The following SLC25A48 variants were observed in gnomAD, a reference collection of about 807,000 sequenced individuals.
The protein encoded by SLC25A48 is solute carrier family 25 member 48.
In SLC25A48, 29 loss-of-function variants were observed where a neutral mutation model predicts 32.2. The observed-to-expected ratio is 0.90, with a 90% CI of 0.67 to 1.23. SLC25A48 has a LOEUF of 1.23. SLC25A48 is among the 50% of genes most tolerant of loss of function. The pLI is 0.00. For missense variants in SLC25A48, 399 were observed against 422.7 expected (o/e 0.94, Z 0.49); for synonymous variants, 164 against 172.3 (o/e 0.95, Z 0.38).
At chr5:135,702,944 C>T (rs894486081) in intron 3 of SLC25A48, among the ~76,000 whole-genome samples, 1 of 152,226 alleles carries the variant, frequency 6.6e-6, no homozygotes, top group Non-Finnish European at 1.5e-5. Flanking sequence ...TTCGGGAAAA[C>T]ACCTTCTTTT....
intron 4 of SLC25A48, among the ~76,000 whole-genome samples, chr5:135,862,401 C>T (rs969567504): frequency 6.6e-6 from 1 of 152,224 alleles, no homozygotes; most frequent in African/African-American, 2.4e-5. Flanking sequence ...CTAATCATTG[C>T]ACCAGGCCCA....
intron 1 of SLC25A48, among the ~76,000 whole-genome samples, chr5:135,598,223 T>C (rs1421118389): frequency 6.6e-6 from 1 of 152,220 alleles, no homozygotes; most frequent in Non-Finnish European, 1.5e-5. Context: ...TCAGGAGGAC[T>C]CACAAATTTG....
chr5:135,762,266 T>A (rs1756079091), intron 3 of SLC25A48, among the ~76,000 whole-genome samples: 1 of 152,176 alleles, frequency 6.6e-6, no homozygotes, highest in East Asian at 1.9e-4. Flanking sequence ...TGCAGATGGA[T>A]GCATGAGGTG....
At chr5:135,615,402 A>G (rs1752162756) in intron 1 of SLC25A48, among the ~76,000 whole-genome samples, 1 of 152,230 alleles carries the variant, frequency 6.6e-6, no homozygotes, top group Non-Finnish European at 1.5e-5. Context: ...ATGTGTTAAC[A>G]AAGAGGTTGG....
chr5:135,693,552 A>G (rs1436316421), intron 3 of SLC25A48, among the ~76,000 whole-genome samples: 1 of 152,216 alleles, frequency 6.6e-6, no homozygotes, highest in Non-Finnish European at 1.5e-5. Context: ...GTACCTCCAC[A>G]ATCTTCTCCT....
intron 3 of SLC25A48, among the ~76,000 whole-genome samples, chr5:135,662,591 C>A (rs905386026): frequency 6.6e-6 from 1 of 152,122 alleles, no homozygotes; most frequent in Non-Finnish European, 1.5e-5. Flanking sequence ...CTGGGGCCAG[C>A]AGACCTGAGT....
chr5:135,871,608 C>T lies in SLC25A48; in HGVS notation c.569C>T (p.Pro190Leu). 1 of 1,614,218 alleles carries T rather than the reference C, an allele frequency of 6.2e-7. No individual in the cohort carries two copies. Among genetic ancestry groups the T allele is most frequent in the Non-Finnish European group, 8.5e-7 (1 of 1,180,022 alleles). Reference protein sequence around the residue: ...GASAMLLRDVPGYCLYFIPYV... With the variant: ...GASAMLLRDVLGYCLYFIPYV... The stretch of plus-strand genomic sequence containing the variant: ...AGTGCCATGCTGCTGAGGGATGTCC[C>T]AGGCTATTGCCTCTACTTCATCCCC... The change falls in exon 5 of 8, where the codon CCA becomes CTA. Residue 190 changes from proline to leucine, a missense_variant. Transcript: ENST00000681962.
intron 1 of SLC25A48, among the ~76,000 whole-genome samples, chr5:135,627,359 A>G (rs1258044925): frequency 6.6e-6 from 1 of 152,134 alleles, no homozygotes; most frequent in Non-Finnish European, 1.5e-5. Context: ...TCTATTATCC[A>G]TGGCCAGCCC....
chr5:135,884,051 C>T (rs1444825421), intron 7 of SLC25A48, among the ~76,000 whole-genome samples: 6 of 152,148 alleles, frequency 3.9e-5, no homozygotes, highest in Admixed American at 2.0e-4. Context: ...CACCACCAGC[C>T]GTGCAGAACT....
chr5:135,604,249 G>A (rs1751877262), intron 1 of SLC25A48, among the ~76,000 whole-genome samples: 1 of 152,192 alleles, frequency 6.6e-6, no homozygotes, highest in African/African-American at 2.4e-5. Context: ...GCATGAACAA[G>A]TAAATGAAAA....
At chr5:135,670,890 C>A (rs1409911540) in intron 3 of SLC25A48, among the ~76,000 whole-genome samples, 1 of 152,194 alleles carries the variant, frequency 6.6e-6, no homozygotes, top group Non-Finnish European at 1.5e-5. Flanking sequence ...TAGCCTCCCT[C>A]CCCAGATGCA....
At chr5:135,877,689 C>G (rs1762157587) in intron 6 of SLC25A48, among the ~76,000 whole-genome samples, 1 of 152,190 alleles carries the variant, frequency 6.6e-6, no homozygotes, top group Non-Finnish European at 1.5e-5. Context: ...ATTGTGATTG[C>G]TAATCCCACC....
At position 135,772,881 on chromosome 5, in the gene SLC25A48, G is replaced by T. The variant is rs573763791; in HGVS notation, c.-520-39642G>T. ...AATATTACTTTCAATATTGCAGGGGGTGTACACTCCCTTGTGATATTGTTT... is the reference window on the plus strand; with the variant it reads ...AATATTACTTTCAATATTGCAGGGGTTGTACACTCCCTTGTGATATTGTTT... On this transcript the variant is annotated intron_variant, in intron 3 of 10. Transcript: ENST00000646290. Among the ~76,000 whole-genome samples, 6 of 151,754 alleles carry T rather than the reference G, an allele frequency of 4.0e-5. No homozygotes were observed. The South Asian group carries it at 8.3e-4, about 21-fold the overall frequency.
At chr5:135,787,819 A>T (rs1477308235) in intron 3 of SLC25A48, among the ~76,000 whole-genome samples, 1 of 142,326 alleles carries the variant, frequency 7.0e-6, no homozygotes, top group African/African-American at 2.5e-5. Flanking sequence ...CAGCTGGTGT[A>T]CATTTTTTGA....
At chr5:135,648,852 A>G (rs1350380775) in intron 3 of SLC25A48, 1 of 152,270 alleles carries the variant, frequency 6.6e-6, no homozygotes. Flanking sequence ...ATCACAGTAA[A>G]AGCATGGAAG....
chr5:135,731,769 C>T (rs1016819133), intron 3 of SLC25A48, among the ~76,000 whole-genome samples: 1 of 152,228 alleles, frequency 6.6e-6, no homozygotes, highest in African/African-American at 2.4e-5. Context: ...CAAGGAGGTT[C>T]AGCATGGCCC....
intron 2 of SLC25A48, among the ~76,000 whole-genome samples, chr5:135,842,783 A>G (rs1759115721): frequency 6.6e-6 from 1 of 152,202 alleles, no homozygotes; most frequent in South Asian, 2.1e-4. Context: ...TTCCCTAGAA[A>G]GGGGAAGGGG....
At chr5:135,602,893 CA>C (rs1463019974) in intron 1 of SLC25A48, among the ~76,000 whole-genome samples, 1 of 152,098 alleles carries the variant, frequency 6.6e-6, no homozygotes, top group Non-Finnish European at 1.5e-5. Flanking sequence ...GGCATTTCAC[CA>C]GATGGATATA....
intron 3 of SLC25A48, among the ~76,000 whole-genome samples, chr5:135,751,825 C>T (rs1755777069): frequency 6.6e-6 from 1 of 152,112 alleles, no homozygotes; most frequent in African/African-American, 2.4e-5. Context: ...ATACTGAGAC[C>T]TTGTCTCATA....
Sources: allele counts gnomAD v4.1 joint callset (sites outside exome capture counted in the v4.1 genomes callset), GRCh38; gene constraint gnomAD v4.1.1; transcripts MANE v1.5; gene names NCBI Gene and HGNC (gene_info 2026-07-23, HGNC 2026-07-21).